NARS2: variants seen among roughly 807,000 people sequenced by gnomAD.
NARS2 encodes asparaginyl-tRNA synthetase 2, mitochondrial.
Under a neutral mutation model 62.9 loss-of-function variants are expected in NARS2, and 60 were observed. The ratio of observed to expected loss-of-function variants is 0.95; its 90% confidence interval spans 0.77 to 1.18. The LOEUF is 1.18. NARS2 is among the 50% of genes most tolerant of loss of function. NARS2 has a pLI of 0.00. For missense variants in NARS2, 619 were observed against 576.4 expected, an observed-to-expected ratio of 1.07 and a Z score of -0.76; for synonymous variants, 196 against 200.0, an observed-to-expected ratio of 0.98 and a Z score of 0.17.
intron 6 of NARS2, among the ~76,000 whole-genome samples, chr11:78,495,021 T>C (rs1042230567): frequency 6.6e-6 from 1 of 152,216 alleles, no homozygotes; most frequent in Non-Finnish European, 1.5e-5. Context: ...ACAGCTATTG[T>C]CAGTGTAAAC....
intron 5 of NARS2, among the ~76,000 whole-genome samples, chr11:78,536,245 T>C (rs1003595243): frequency 6.6e-6 from 1 of 152,210 alleles, no homozygotes; most frequent in African/African-American, 2.4e-5. Context: ...TGTTACTGAT[T>C]TACATATTTA....
intron 11 of NARS2, among the ~76,000 whole-genome samples, chr11:78,463,226 G>A (rs1207349127): frequency 6.6e-6 from 1 of 151,976 alleles, no homozygotes; most frequent in African/African-American, 2.4e-5. Context: ...ACTACACCTG[G>A]CTAATTTATT....
At chr11:78,474,617 T>G (rs1354216227) in intron 9 of NARS2, among the ~76,000 whole-genome samples, 3 of 152,146 alleles carry the variant, frequency 2.0e-5, no homozygotes, top group Admixed American at 1.3e-4. Context: ...ACAGCCACAG[T>G]TACTCAAGTC....
chr11:78,532,362 T>C (rs920479750), intron 5 of NARS2, among the ~76,000 whole-genome samples: 1 of 152,116 alleles, frequency 6.6e-6, no homozygotes, highest in Non-Finnish European at 1.5e-5. Context: ...AATGAAATAT[T>C]TGCAACATCT....
intron 1 of NARS2, among the ~76,000 whole-genome samples, chr11:78,572,025 T>C (rs11237554): frequency 0.017 from 2,605 of 151,848 alleles, 72 homozygotes; most frequent in African/African-American, 0.059. Flanking sequence ...CTACCGAAAA[T>C]ACAAAAATTA....
chr11:78,485,222 C>G (rs1204674309), intron 7 of NARS2, among the ~76,000 whole-genome samples: 1 of 151,630 alleles, frequency 6.6e-6, no homozygotes, highest in Non-Finnish European at 1.5e-5. Context: ...ACATCACACA[C>G]TGGGGCCTAT....
chr11:78,469,426 A>T, intron 9 of NARS2, 113 bp from the exon 10 acceptor site: 1 of 734,456 alleles, frequency 1.4e-6, no homozygotes. Flanking sequence ...GGTCATGAAT[A>T]ATCAGGAATT....
intron 7 of NARS2, among the ~76,000 whole-genome samples, chr11:78,485,057 T>TA (rs1241062828): frequency 6.6e-6 from 1 of 152,096 alleles, no homozygotes; most frequent in African/African-American, 2.4e-5. Flanking sequence ...CATGCAGCCA[T>TA]AAAAAGAATG....
intron 6 of NARS2, among the ~76,000 whole-genome samples, chr11:78,497,637 A>C (rs1054210488): frequency 1.1e-4 from 16 of 152,128 alleles, no homozygotes; most frequent in African/African-American, 3.9e-4. Context: ...ATGAACATCT[A>C]TTTTACTACT....
chr11:78,449,006 GGA>G (rs1387557082), intron 11 of NARS2, among the ~76,000 whole-genome samples: 1 of 152,072 alleles, frequency 6.6e-6, no homozygotes, highest in Non-Finnish European at 1.5e-5. Context: ...TTTGAGTTCA[GGA>G]GAGAGTTCAC....
chr11:78,486,965 C>T (rs7930248), intron 7 of NARS2, among the ~76,000 whole-genome samples: 1 of 151,976 alleles, frequency 6.6e-6, no homozygotes, highest in African/African-American at 2.4e-5. Flanking sequence ...AAAAATTTCA[C>T]AGGATGGGCT....
chr11:78,516,655 A>T (rs1860922909), intron 6 of NARS2, among the ~76,000 whole-genome samples: 1 of 152,202 alleles, frequency 6.6e-6, no homozygotes, highest in African/African-American at 2.4e-5. Context: ...TGAGCCCTGG[A>T]TCAGGCAACA....
intron 4 of NARS2, among the ~76,000 whole-genome samples, chr11:78,560,939 A>G (rs1856536911): frequency 6.6e-6 from 1 of 152,238 alleles, no homozygotes; most frequent in African/African-American, 2.4e-5. Flanking sequence ...GAGTGCAGTA[A>G]ACAAAGAAAG....
Position 78,568,748 on chromosome 11 carries a change from A to G in NARS2, c.256T>C (p.Leu86=), listed in dbSNP as rs763021601. ...ACTTCCACAGAACTCCCAAAATTTA[A>G]TTCTCTATAGTAACAAAAAACAAGA... ...VADSGLDSRE[L]NFGSSVEVQG... Residue 86 remains leucine, a synonymous_variant, in exon 3 of 14, where the codon TTA becomes CTA. Transcript: ENST00000281038. 1.2e-6 allele frequency: 2 copies of G among 1,601,770 alleles called. No individual in the cohort carries two copies. The highest frequency in any genetic ancestry group is 2.2e-5 in the South Asian group (2 of 89,748).
At chr11:78,487,816 T>C (rs1291024968) in intron 7 of NARS2, among the ~76,000 whole-genome samples, 1 of 152,160 alleles carries the variant, frequency 6.6e-6, no homozygotes, top group Non-Finnish European at 1.5e-5. Context: ...AGAAAAGAAC[T>C]GTCAAGCCAA....
chr11:78,477,624 T>C (rs1372340226), intron 9 of NARS2, among the ~76,000 whole-genome samples: 3 of 152,220 alleles, frequency 2.0e-5, no homozygotes, highest in African/African-American at 7.2e-5. Flanking sequence ...TTCTGAATGC[T>C]TCTAAGAAGG....
chr11:78,439,720 C>A (rs1321438088), intron 13 of NARS2, among the ~76,000 whole-genome samples: 1 of 152,068 alleles, frequency 6.6e-6, no homozygotes, highest in Non-Finnish European at 1.5e-5. Context: ...TCCTTCCATA[C>A]CAAAAGGCGA....
At chr11:78,501,562 G>A (rs903517322) in intron 6 of NARS2, among the ~76,000 whole-genome samples, 2 of 152,038 alleles carry the variant, frequency 1.3e-5, no homozygotes, top group Non-Finnish European at 2.9e-5. Flanking sequence ...TCCTGGTCAC[G>A]GATATATTTA....
chr11:78,474,329 G>A (rs1478140669), intron 9 of NARS2, among the ~76,000 whole-genome samples: 3 of 152,092 alleles, frequency 2.0e-5, no homozygotes, highest in Non-Finnish European at 4.4e-5. Flanking sequence ...ATATTTAACT[G>A]TTCATCTTTT....
Sources: allele counts gnomAD v4.1 joint callset (sites outside exome capture counted in the v4.1 genomes callset), GRCh38; gene constraint gnomAD v4.1.1; transcripts MANE v1.5; gene names NCBI Gene and HGNC (gene_info 2026-07-23, HGNC 2026-07-21).